LHPP: variants seen among roughly 807,000 people sequenced by gnomAD.
The protein encoded by LHPP is hLHPP.
A neutral mutation model predicts 30.3 loss-of-function variants in LHPP; 24 were observed. The observed-to-expected ratio is 0.79, with a 90% CI of 0.57 to 1.11. LHPP has a LOEUF of 1.11. Ranked by LOEUF, LHPP falls within the 50% of genes most tolerant of loss-of-function variation. LHPP has a pLI of 0.00. For synonymous variants in LHPP, 150 were observed against 157.1 expected (o/e 0.95, Z 0.34); for missense variants, 356 against 367.2 (o/e 0.97, Z 0.25).
At chr10:124,589,760 G>C (rs564850944) in intron 6 of LHPP, among the ~76,000 whole-genome samples, 1 of 152,326 alleles carries the variant, frequency 6.6e-6, no homozygotes, top group South Asian at 2.1e-4. Context: ...GCATCTCTGG[G>C]GGTGAGGTCG....
intron 1 of LHPP, among the ~76,000 whole-genome samples, chr10:124,479,923 C>G (rs895445756): frequency 5.9e-5 from 9 of 152,086 alleles, no homozygotes; most frequent in African/African-American, 2.2e-4. Flanking sequence ...GCTCGTTTAC[C>G]CAGTGGGTAC....
At chr10:124,551,442 T>C (rs191714264) in intron 6 of LHPP, among the ~76,000 whole-genome samples, 1 of 152,118 alleles carries the variant, frequency 6.6e-6, no homozygotes, top group Non-Finnish European at 1.5e-5. Context: ...TTGCTCACGC[T>C]GCCTGCTCTG....
intron 6 of LHPP, among the ~76,000 whole-genome samples, chr10:124,524,523 C>G (rs1052693696): frequency 6.6e-6 from 1 of 152,292 alleles, no homozygotes; most frequent in Non-Finnish European, 1.5e-5. Context: ...ATGATCCCCC[C>G]GCCTTGACCT....
At chr10:124,611,487 G>A (rs1284543257) in intron 6 of LHPP, among the ~76,000 whole-genome samples, 1 of 152,010 alleles carries the variant, frequency 6.6e-6, no homozygotes, top group Non-Finnish European at 1.5e-5. Flanking sequence ...CATACAAGCA[G>A]GTGGGCAAGG....
chr10:124,497,407 C>T (rs1003163234), intron 4 of LHPP, among the ~76,000 whole-genome samples: 3 of 152,234 alleles, frequency 2.0e-5, no homozygotes, highest in African/African-American at 4.8e-5. Context: ...CCACCGCTCT[C>T]ATTCCTGACC....
chr10:124,503,028 T>C (rs762430876), intron 5 of LHPP, among the ~76,000 whole-genome samples: 54 of 151,726 alleles, frequency 3.6e-4, no homozygotes, highest in Non-Finnish European at 6.5e-4. Flanking sequence ...ATATTCTCTT[T>C]CTGATCATTA....
At chr10:124,543,982 C>G (rs2133948503) in intron 6 of LHPP, among the ~76,000 whole-genome samples, 1 of 152,352 alleles carries the variant, frequency 6.6e-6, no homozygotes, top group Non-Finnish European at 1.5e-5. Flanking sequence ...AGCTCATACC[C>G]AGAGTTGCCG....
chr10:124,488,503 A>G lies in LHPP; in HGVS notation c.395A>G (p.Tyr132Cys). ...GCAGACGCAGGAGAAAGCTTTTCTT[A>G]TCAAAACATGAATAACGCCTTCCAG... is the stretch of plus-strand genomic sequence containing the variant. Reference protein sequence around the residue: ...VIADAGESFSYQNMNNAFQVL... With the variant: ...VIADAGESFSCQNMNNAFQVL... The change falls in exon 3 of 7, where the codon TAT (tyrosine) becomes TGT (cysteine). Residue 132 changes from tyrosine (Y) to cysteine (C), a missense_variant. Coordinates refer to ENST00000368842, the MANE Select transcript of LHPP (RefSeq NM_022126.4). 1 of 1,614,074 alleles carries G rather than the reference A, an allele frequency of 6.2e-7. No individual in the cohort carries two copies. Among genetic ancestry groups the G allele is most frequent in the African/African-American group, 1.3e-5 (1 of 75,016 alleles).
chr10:124,536,098 G>A lies in LHPP; in HGVS notation c.716+18827G>A, dbSNP rs762207748. 7.2e-5 allele frequency among the ~76,000 whole-genome samples: 11 copies of A among 152,392 alleles called. No individual in the cohort carries two copies. The East Asian group carries it at 1.2e-3, about 16-fold the overall frequency. ...AGACGCGGAAGCCGGGGTGGAGCAG[G>A]CCTGTAAGGTGGGGGCTGGGGCCGG... is the stretch of plus-strand genomic sequence containing the variant. On this transcript the variant is annotated intron_variant, in intron 6 of 6. Transcript: ENST00000368842.
chr10:124,512,877 C>T (rs1293974191), intron 5 of LHPP, among the ~76,000 whole-genome samples: 1 of 152,096 alleles, frequency 6.6e-6, no homozygotes, highest in Non-Finnish European at 1.5e-5. Context: ...TCTGTGGTCC[C>T]CTTCCCCCAG....
Position 124,517,319 on chromosome 10 carries a change from C to A in LHPP, c.716+48C>A. 8.3e-7 allele frequency: 1 copy of A among 1,202,156 alleles called. No individual in the cohort carries two copies. Among genetic ancestry groups the A allele is most frequent in the Non-Finnish European group, 1.2e-6 (1 of 854,878 alleles). The allele number at this position is 1,202,156 out of a possible 1,614,324, so 74.5% of individuals were successfully genotyped here. On this transcript the variant is annotated intron_variant, in intron 6 of 6. Transcript: ENST00000368842. The surrounding 1 kb of genome is among the most constrained non-coding windows in gnomAD (Gnocchi z 4.1). ...TATTCACCTTCCTTCCAGGGGATGA[C>A]CACATTCTCATTCTGTTTTGTTCTT...
chr10:124,530,514 G>A (rs551649177), intron 6 of LHPP, among the ~76,000 whole-genome samples: 1 of 142,222 alleles, frequency 7.0e-6, no homozygotes, highest in South Asian at 2.4e-4. Context: ...TCTCATGCTG[G>A]CCTCATAGTG....
chr10:124,522,728 C>CCA (rs957431259), intron 6 of LHPP, among the ~76,000 whole-genome samples: 12 of 148,430 alleles, frequency 8.1e-5, no homozygotes, highest in African/African-American at 1.3e-4. Context: ...CCCACGCCCC[C>CCA]CCCCAAGCAC....
chr10:124,468,432 T>C (rs1218881340), intron 1 of LHPP, among the ~76,000 whole-genome samples: 8 of 152,122 alleles, frequency 5.3e-5, no homozygotes, highest in African/African-American at 1.4e-4. Flanking sequence ...TTATTTTTGG[T>C]GAGGGGACAT....
At chr10:124,486,730 G>A (rs1953338919) in intron 2 of LHPP, among the ~76,000 whole-genome samples, 1 of 152,276 alleles carries the variant, frequency 6.6e-6, no homozygotes, top group Admixed American at 6.5e-5. Flanking sequence ...CAGCCCCACA[G>A]AGTCCAAACT....
At chr10:124,466,055 G>A (rs755531168) in intron 1 of LHPP, among the ~76,000 whole-genome samples, 5 of 152,140 alleles carry the variant, frequency 3.3e-5, no homozygotes, top group Admixed American at 1.3e-4. Flanking sequence ...GTCCTATCTC[G>A]TGTGAGAAAG....
chr10:124,522,047 T>C (rs1197703790), intron 6 of LHPP, among the ~76,000 whole-genome samples: 1 of 152,040 alleles, frequency 6.6e-6, no homozygotes, highest in African/African-American at 2.4e-5. Context: ...AGCCTCGGGG[T>C]TGGGAGAGAT....
chr10:124,566,309 TC>T (rs904154465), intron 6 of LHPP, among the ~76,000 whole-genome samples: 2 of 152,076 alleles, frequency 1.3e-5, no homozygotes, highest in African/African-American at 4.8e-5. Context: ...GGTTGTCCTT[TC>T]CCCCCTGGGG....
chr10:124,551,365 A>C (rs7067989), intron 6 of LHPP, among the ~76,000 whole-genome samples: 2 of 151,994 alleles, frequency 1.3e-5, no homozygotes, highest in Admixed American at 1.3e-4. Context: ...TGACACCATC[A>C]GCAAGTTTGG....
Sources: gnomAD v4.1 joint callset for allele counts (sites outside exome capture counted in the v4.1 genomes callset) on GRCh38, gnomAD v4.1.1 for gene constraint, Gnocchi (gnomAD v3.1) non-coding constraint, MANE v1.5 for transcripts, NCBI Gene and HGNC (gene_info 2026-07-23, HGNC 2026-07-21) for gene names.